Variants in CDH19 observed in about 807,000 individuals in gnomAD.
The protein encoded by CDH19 is cadherin-19.
CDH19 carries 67 observed loss-of-function variants against 64.2 expected under a neutral mutation model. The ratio of observed to expected loss-of-function variants is 1.04; its 90% CI spans 0.86 to 1.28. The LOEUF (loss-of-function observed/expected upper bound fraction) is 1.28. Ranked by LOEUF, CDH19 falls within the 50% of genes most tolerant of loss-of-function variation. The pLI, the probability that CDH19 is intolerant of heterozygous loss-of-function variation, is 0.00. For missense variants in CDH19, 1,030 were observed against 929.0 expected (o/e 1.11, Z -1.41); for synonymous variants, 346 against 319.3 (o/e 1.08, Z -0.89).
intron 1 of CDH19, among the ~76,000 whole-genome samples, chr18:66,580,879 C>T (rs1988402483): frequency 6.6e-6 from 1 of 152,042 alleles, no homozygotes; most frequent in African/African-American, 2.4e-5. Flanking sequence ...TCATACATTT[C>T]AGCAGAAGTG....
chr18:66,571,402 T>A (rs1171609402), intron 2 of CDH19, among the ~76,000 whole-genome samples: 1 of 151,708 alleles, frequency 6.6e-6, no homozygotes, highest in Non-Finnish European at 1.5e-5. Flanking sequence ...GAAAAGGACA[T>A]GATATTGTAA....
intron 9 of CDH19, among the ~76,000 whole-genome samples, chr18:66,524,542 GTATATATA>G (rs72219868): frequency 0.032 from 2,988 of 94,562 alleles, 118 homozygotes; most frequent in African/African-American, 0.086. Flanking sequence ...ATGTTTGTGT[GTATATATA>G]TATATATATA....
At chr18:66,591,120 T>A (rs923391720) in intron 1 of CDH19, among the ~76,000 whole-genome samples, 1 of 151,964 alleles carries the variant, frequency 6.6e-6, no homozygotes, top group Non-Finnish European at 1.5e-5. Flanking sequence ...AATCTCAGAT[T>A]GAGTATCTTC....
intron 3 of CDH19, among the ~76,000 whole-genome samples, chr18:66,560,670 A>C (rs1987687154): frequency 6.6e-6 from 1 of 151,972 alleles, no homozygotes; most frequent in Non-Finnish European, 1.5e-5. Flanking sequence ...CAATTTGTTA[A>C]ACATATTTTT....
At chr18:66,506,884 T>A (rs1985228032) in intron 11 of CDH19, among the ~76,000 whole-genome samples, 1 of 152,012 alleles carries the variant, frequency 6.6e-6, no homozygotes, top group South Asian at 2.1e-4. Flanking sequence ...AAGGTCACCA[T>A]ATTTGCATTC....
At chr18:66,527,375 A>G (rs1291773851) in intron 9 of CDH19, among the ~76,000 whole-genome samples, 1 of 152,100 alleles carries the variant, frequency 6.6e-6, no homozygotes, top group Admixed American at 6.6e-5. Flanking sequence ...CTATATGTGC[A>G]TACATATATA....
Position 66,511,697 on chromosome 18 carries a change from G to T in CDH19, c.1459-12C>A, listed in dbSNP as rs201412981. On this transcript the variant is annotated splice_polypyrimidine_tract_variant and intron_variant, in intron 9 of 11. Transcript: ENST00000262150. Reference sequence around the variant, plus strand: ...ATAGTCTGAATTACCTAAAAAAAAAGGGGGATAGATTTTTGTTGTTGTTTG... The same window carrying T: ...ATAGTCTGAATTACCTAAAAAAAAATGGGGATAGATTTTTGTTGTTGTTTG... 2.0e-4 allele frequency: 251 copies of T among 1,238,988 alleles called. No homozygotes were observed. The Admixed American group carries it at 4.5e-3, about 22-fold the overall frequency. 76.7% of individuals were successfully genotyped at this position (1,238,988 alleles called of 1,614,324 possible).
At chr18:66,553,766 A>T (rs1987419492) in intron 4 of CDH19, among the ~76,000 whole-genome samples, 1 of 134,292 alleles carries the variant, frequency 7.4e-6, no homozygotes, top group African/African-American at 3.4e-5. Context: ...TTAATGAATT[A>T]GGGTCATATG....
At chr18:66,512,410 T>A (rs558257608) in intron 9 of CDH19, among the ~76,000 whole-genome samples, 1 of 151,578 alleles carries the variant, frequency 6.6e-6, no homozygotes, top group East Asian at 1.9e-4. Context: ...GAGATTGTGA[T>A]TAATTGTGGA....
intron 1 of CDH19, among the ~76,000 whole-genome samples, chr18:66,587,487 T>C (rs1367584536): frequency 6.6e-6 from 1 of 151,684 alleles, no homozygotes; most frequent in Non-Finnish European, 1.5e-5. Flanking sequence ...ATAAAACAAA[T>C]AAAAAAAAGA....
At position 66,568,468 on chromosome 18, in the gene CDH19, T is replaced by C. The variant is rs201706455; in HGVS notation, c.438A>G (p.Pro146=). 3.0e-5 allele frequency: 48 copies of C among 1,612,196 alleles called. No homozygotes were observed. In the East Asian group the frequency reaches 9.6e-4, roughly 32 times the overall value. ...CCTCATAAGGTTCATCTAGGAATTT[T>C]GGTTCATTGTCATTGATATCCGAAA... ...IKVSDINDNE[P]KFLDEPYEAI... Residue 146 remains proline, a synonymous_variant, in exon 3 of 12, where the codon CCA becomes CCG. Coordinates refer to ENST00000262150, the MANE Select transcript of CDH19 (RefSeq NM_021153.4).
intron 10 of CDH19, among the ~76,000 whole-genome samples, chr18:66,510,148 T>C (rs1177511099): frequency 6.6e-6 from 1 of 151,726 alleles, no homozygotes; most frequent in Non-Finnish European, 1.5e-5. Flanking sequence ...TAGAAGACAA[T>C]AGCAGTAAAA....
intron 9 of CDH19, among the ~76,000 whole-genome samples, chr18:66,518,710 A>T (rs1985847661): frequency 6.6e-6 from 1 of 152,202 alleles, no homozygotes. Flanking sequence ...ATGAAAATTA[A>T]CTGTAACTTT....
At chr18:66,524,569 T>TATATAAAAAA (rs1276593665) in intron 9 of CDH19, among the ~76,000 whole-genome samples, 1 of 135,164 alleles carries the variant, frequency 7.4e-6, no homozygotes, top group Admixed American at 7.5e-5. Context: ...TATATATATA[T>TATATAAAAAA]AAACATCATC....
At chr18:66,594,122 A>G (rs1020156001) in intron 1 of CDH19, among the ~76,000 whole-genome samples, 1 of 152,134 alleles carries the variant, frequency 6.6e-6, no homozygotes, top group Non-Finnish European at 1.5e-5. Context: ...AGGAGCTACT[A>G]TTCTTCTTTC....
chr18:66,573,893 C>CCACACACACACACA (rs140587493), intron 1 of CDH19, among the ~76,000 whole-genome samples: 1 of 145,156 alleles, frequency 6.9e-6, no homozygotes, highest in Non-Finnish European at 1.5e-5. Context: ...ACCACTGAAG[C>CCACACACACACACA]CACACACACA....
chr18:66,580,044 C>G (rs1053372798), intron 1 of CDH19, among the ~76,000 whole-genome samples: 1 of 151,974 alleles, frequency 6.6e-6, no homozygotes, highest in Middle Eastern at 3.4e-3. Context: ...GATAGTTGTT[C>G]TTTTATTATT....
chr18:66,522,906 AAT>A (rs1249008841), intron 9 of CDH19, among the ~76,000 whole-genome samples: 2 of 151,808 alleles, frequency 1.3e-5, no homozygotes, highest in African/African-American at 4.8e-5. Context: ...AATTATTTTT[AAT>A]AGTTACAATT....
intron 2 of CDH19, among the ~76,000 whole-genome samples, 162 bp downstream of exon 2, chr18:66,571,848 T>C (rs1011259901): frequency 6.6e-6 from 1 of 151,748 alleles, no homozygotes. Flanking sequence ...TTAGTGGATG[T>C]TTTAGGTGCT....
Sources: gnomAD v4.1 joint callset for allele counts (sites outside exome capture counted in the v4.1 genomes callset) on GRCh38, gnomAD v4.1.1 for gene constraint, MANE v1.5 for transcripts, NCBI Gene and HGNC (gene_info 2026-07-23, HGNC 2026-07-21) for gene names.